GDAP1L1: variants seen among roughly 807,000 people sequenced by gnomAD.
GDAP1L1 encodes ganglioside induced differentiation associated protein 1 like 1.
A neutral mutation model predicts 37.1 loss-of-function variants in GDAP1L1; 21 were observed. That is an observed-to-expected ratio of 0.57 (90% CI 0.40 to 0.81). The LOEUF (loss-of-function observed/expected upper bound fraction) is 0.81. Ranked by LOEUF, GDAP1L1 falls within the 40% of genes least tolerant of loss-of-function variation. The probability of loss-of-function intolerance (pLI) is 0.00; values close to 1 mark genes in which losing one functional copy is unlikely to be tolerated. For synonymous variants in GDAP1L1, 193 were observed against 209.1 expected (o/e 0.92, Z 0.67); for missense variants, 362 against 491.6 (o/e 0.74, Z 2.49).
chr20:44,258,531 C>T lies in GDAP1L1; in HGVS notation c.471C>T (p.Tyr157=). Residue 157 remains tyrosine (Y), a synonymous_variant, in exon 3 of 6, where the codon TAC becomes TAT. Transcript: ENST00000342560. ...TGGACGCACTGCCCATGGATGCCTACACGCATGGCTGCATCCTGCATCCCG... is the reference window on the plus strand; with the variant it reads ...TGGACGCACTGCCCATGGATGCCTATACGCATGGCTGCATCCTGCATCCCG... ...ELLDALPMDA[Y]THGCILHPEL... The T allele has an allele frequency of 6.3e-7, 1 of 1,582,402 alleles. No individual in the cohort carries two copies.
intron 5 of GDAP1L1, among the ~76,000 whole-genome samples, chr20:44,276,436 G>GAAAGAAAGAAAT (rs2062579652): frequency 7.0e-6 from 1 of 143,776 alleles, no homozygotes; most frequent in Non-Finnish European, 1.5e-5. Context: ...AAGAAAGAAA[G>GAAAGAAAGAAAT]AAAGAAAGAA....
chr20:44,267,428 G>A (rs1190708354), intron 5 of GDAP1L1, among the ~76,000 whole-genome samples: 1 of 152,016 alleles, frequency 6.6e-6, no homozygotes, highest in East Asian at 1.9e-4. Flanking sequence ...TGGCCAACAT[G>A]GTGAAACCCT....
In GDAP1L1 at chr20:44,274,985, C is replaced by T. The variant is rs139014672; in HGVS notation, c.761-3972C>T. Among the ~76,000 whole-genome samples the T allele has an allele frequency of 7.6e-3, 1,154 of 152,224 alleles. 22 individuals are homozygous for T. The highest frequency in any genetic ancestry group is 0.065 in the Middle Eastern group (19 of 294). The stretch of plus-strand genomic sequence containing the variant: ...AAGGCTCACTGCAACCTCGACCTTC[C>T]GGGCTCGAGCCATCCTCCTGCCTCA... On this transcript the variant is annotated intron_variant, in intron 5 of 5. Coordinates refer to ENST00000342560, the MANE Select transcript of GDAP1L1 (RefSeq NM_024034.6).
Position 44,247,425 on chromosome 20 carries a change from C to G in GDAP1L1, c.91C>G (p.Pro31Ala). 1 of 1,610,206 alleles carries G rather than the reference C, an allele frequency of 6.2e-7. No individual in the cohort carries two copies. Among genetic ancestry groups the G allele is most frequent in the Non-Finnish European group, 8.5e-7 (1 of 1,178,832 alleles). The part of the protein sequence containing the change: ...ESDAAKPAEA[P>A]DAPEAASPAH... ...CGATGCGGCCAAGCCAGCGGAGGCCCCCGACGCTCCCGAGGCGGCCAGCCC... is the reference window on the plus strand; with the variant it reads ...CGATGCGGCCAAGCCAGCGGAGGCCGCCGACGCTCCCGAGGCGGCCAGCCC... Residue 31 changes from proline to alanine, a missense_variant, in exon 1 of 6, where the codon CCC (proline) becomes GCC (alanine). Around this residue, in one of 2 missense-constraint regions of GDAP1L1, gnomAD observed 277 missense variants for 337.1 expected, o/e 0.82. Coordinates refer to ENST00000342560, the MANE Select transcript of GDAP1L1 (RefSeq NM_024034.6).
chr20:44,253,689 T>G (rs7273117), intron 1 of GDAP1L1, among the ~76,000 whole-genome samples: 13,077 of 152,288 alleles, frequency 0.086, 1,163 homozygotes, highest in East Asian at 0.36. Context: ...AGATGGCAGA[T>G]GGCCTTGGTA....
At chr20:44,267,669 C>T (rs1014066145) in intron 5 of GDAP1L1, among the ~76,000 whole-genome samples, 16 of 151,416 alleles carry the variant, frequency 1.1e-4, no homozygotes, top group African/African-American at 3.6e-4. Context: ...CGTCCCAGGG[C>T]TGCTGCGAGG....
Position 44,263,295 on chromosome 20 carries a change from G to C in GDAP1L1, c.613G>C (p.Glu205Gln). 1 of 1,614,056 alleles carries C rather than the reference G, an allele frequency of 6.2e-7. No homozygotes were observed. Among genetic ancestry groups the C allele is most frequent in the Non-Finnish European group, 8.5e-7 (1 of 1,179,950 alleles). ...LDHEEEPQLS[E>Q]PYLSKQKKLM... ...CCATGAAGAGGAGCCCCAGCTCTCC[G>C]AGCCCTACCTTTCTAAACAAAAGAA... is the stretch of plus-strand genomic sequence containing the variant. The change falls in exon 4 of 6, where the codon GAG becomes CAG. Residue 205 changes from glutamate (E) to glutamine (Q), a missense_variant. Physicochemically the swap from Glu to Gln is conservative, Grantham distance 29. Transcript: ENST00000342560.
rs79250331 is a variant in GDAP1L1 at position 44,250,464 on chromosome 20, G to A, written c.180+2950G>A. On this transcript the variant is annotated intron_variant, in intron 1 of 5. Transcript: ENST00000342560. ...ATAGAAAGTGCTCAGTTAAGTGCTG[G>A]GTGCTGTTATAAAGGCATGGATTTT... Among the ~76,000 whole-genome samples, 35 of 152,286 alleles carry A rather than the reference G, an allele frequency of 2.3e-4. 1 individual carries two copies. Among genetic ancestry groups the A allele is most frequent in the Non-Finnish European group, 4.3e-4 (29 of 68,026 alleles).
Position 44,251,773 on chromosome 20 carries a change from G to A in GDAP1L1, c.180+4259G>A, listed in dbSNP as rs558160148. Among the ~76,000 whole-genome samples the A allele has an allele frequency of 1.1e-4, 17 of 152,328 alleles. No individual in the cohort carries two copies. The South Asian group carries it at 2.1e-3, about 19-fold the overall frequency. The stretch of plus-strand genomic sequence containing the variant: ...GCTTGAGTCAAGACCTAAGTTGGGG[G>A]AAGCTTATGGGCCCTTCTCAGAATA... On this transcript the variant is annotated intron_variant, in intron 1 of 5. Transcript: ENST00000342560.
At chr20:44,258,647 C>A (rs1265004746) in intron 3 of GDAP1L1, 40 bp downstream of exon 3, 3 of 1,455,326 alleles carry the variant, frequency 2.1e-6, no homozygotes, top group Non-Finnish European at 2.8e-6. Flanking sequence ...CTGCTTTCCC[C>A]CTTTGCGCCG....
chr20:44,267,631 A>AT (rs1206564672), intron 5 of GDAP1L1, among the ~76,000 whole-genome samples: 1 of 151,338 alleles, frequency 6.6e-6, no homozygotes, highest in East Asian at 1.9e-4. Flanking sequence ...AAAAAAAAAA[A>AT]GGCAGGGGGT....
intron 1 of GDAP1L1, among the ~76,000 whole-genome samples, chr20:44,250,432 G>A (rs1249399677): frequency 6.6e-6 from 1 of 152,198 alleles, no homozygotes; most frequent in Non-Finnish European, 1.5e-5. Context: ...AGAATAGCAC[G>A]TGGCACATAG....
intron 1 of GDAP1L1, among the ~76,000 whole-genome samples, chr20:44,253,576 G>A (rs1035408200): frequency 2.6e-5 from 4 of 152,236 alleles, no homozygotes. Context: ...CACTGTGGGT[G>A]ATTTTCAGGC....
chr20:44,261,057 G>A (rs2146017018), intron 3 of GDAP1L1, among the ~76,000 whole-genome samples: 1 of 152,288 alleles, frequency 6.6e-6, no homozygotes, highest in East Asian at 1.9e-4. Context: ...TGCCTAGAAG[G>A]CACTGGGAGT....
intron 3 of GDAP1L1, among the ~76,000 whole-genome samples, chr20:44,259,368 T>C (rs1352169710): frequency 6.6e-6 from 1 of 152,160 alleles, no homozygotes; most frequent in Non-Finnish European, 1.5e-5. Flanking sequence ...AGGTGCTCAG[T>C]GAATGGTCAT....
intron 5 of GDAP1L1, among the ~76,000 whole-genome samples, chr20:44,271,735 G>A (rs1369968338): frequency 6.6e-6 from 1 of 152,194 alleles, no homozygotes; most frequent in South Asian, 2.1e-4. Flanking sequence ...GCAGTAGAAA[G>A]GGGGAATCGG....
At chr20:44,261,535 T>C (rs56376888) in intron 3 of GDAP1L1, among the ~76,000 whole-genome samples, 1 of 152,170 alleles carries the variant, frequency 6.6e-6, no homozygotes, top group Non-Finnish European at 1.5e-5. Context: ...TGTTGAGTTT[T>C]AAGGGAACAA....
intron 5 of GDAP1L1, among the ~76,000 whole-genome samples, chr20:44,270,554 G>A (rs1221708855): frequency 1.3e-5 from 2 of 152,252 alleles, no homozygotes; most frequent in Non-Finnish European, 2.9e-5. Context: ...ACAGCTCTGA[G>A]TCAGGGTTGC....
chr20:44,248,668 CT>C (rs1329467886), intron 1 of GDAP1L1, among the ~76,000 whole-genome samples: 1 of 152,220 alleles, frequency 6.6e-6, no homozygotes, highest in East Asian at 1.9e-4. Context: ...TAGACTGGGA[CT>C]ACTCAAACTT....
Sources: gnomAD v4.1 joint callset for allele counts (sites outside exome capture counted in the v4.1 genomes callset) on GRCh38, gnomAD v4.1.1 for gene constraint, gnomAD v4.1.1 regional missense constraint, MANE v1.5 for transcripts, NCBI Gene and HGNC (gene_info 2026-07-23, HGNC 2026-07-21) for gene names.